The following DAG1 variants were observed in gnomAD, a reference collection of about 807,000 sequenced individuals.
The protein encoded by DAG1 is dystroglycan 1, also known as dystroglycan 1 (dystrophin-associated glycoprotein 1).
DAG1 carries 8 observed loss-of-function variants against 46.1 expected under a neutral mutation model. That is an observed-to-expected ratio of 0.17 (90% CI 0.10 to 0.31). The LOEUF is 0.31. DAG1 is among the 10% of genes least tolerant of loss of function. The pLI, the probability that DAG1 is intolerant of heterozygous loss-of-function variation, is 1.00. For missense variants in DAG1, 1,003 were observed against 1,189.9 expected, an observed-to-expected ratio of 0.84 and a Z score of 2.31; for synonymous variants, 495 against 481.8, an observed-to-expected ratio of 1.03 and a Z score of -0.36.
At chr3:49,487,309 C>G (rs1426147308) in intron 1 of DAG1, 1 of 152,248 alleles carries the variant, frequency 6.6e-6, no homozygotes, top group African/African-American at 2.4e-5. Context: ...CGGTTCTTCC[C>G]CCAGTACGTC....
chr3:49,484,536 G>A (rs561024713), intron 1 of DAG1, among the ~76,000 whole-genome samples: 1 of 152,206 alleles, frequency 6.6e-6, no homozygotes, highest in South Asian at 2.1e-4. Context: ...AGATAAAAAT[G>A]GCTCCGTATG....
rs761917381 is a variant in DAG1, at chr3:49,531,763, A to G, written c.1252A>G (p.Thr418Ala). ...PGYVEPTAVA[T>A]PPTTTTKKPR... ...CTATGTGGAGCCTACTGCAGTTGCT[A>G]CCCCTCCCACAACCACCACCAAGAA... The change falls in exon 3 of 3, where the codon ACC becomes GCC. Residue 418 changes from threonine (T) to alanine (A), a missense_variant. Transcript: ENST00000308775. This position sits in a 1 kb window ranked among gnomAD's most constrained non-coding sequence, Gnocchi z 7.0. The G allele has an allele frequency of 4.3e-6, 7 of 1,613,290 alleles. No homozygotes were observed. The highest frequency in any genetic ancestry group is 3.3e-5 in the South Asian group (3 of 90,988).
At position 49,502,707 on chromosome 3, in the gene DAG1, C is replaced by T. The variant is rs62261190; in HGVS notation, c.-116-7712C>T. Reference sequence around the variant, plus strand: ...AGGCTGGAGTGCAGTGGTGCGATCTCGGCTCACTACAAGCTCCGCCTCCCG... The same window carrying T: ...AGGCTGGAGTGCAGTGGTGCGATCTTGGCTCACTACAAGCTCCGCCTCCCG... On this transcript the variant is annotated intron_variant, in intron 1 of 2. Transcript: ENST00000308775. 4.1e-5 allele frequency among the ~76,000 whole-genome samples: 6 copies of T among 147,564 alleles called. No individual in the cohort carries two copies. In the Admixed American group the frequency reaches 4.1e-4, roughly 10 times the overall value.
chr3:49,526,092 C>T (rs1342966641), intron 2 of DAG1, among the ~76,000 whole-genome samples: 1 of 152,186 alleles, frequency 6.6e-6, no homozygotes, highest in Non-Finnish European at 1.5e-5. Context: ...CTCAAGTGAT[C>T]CACCCACCTC....
chr3:49,479,474 T>G (rs1380856274), intron 1 of DAG1, among the ~76,000 whole-genome samples: 3 of 151,462 alleles, frequency 2.0e-5, no homozygotes, highest in South Asian at 4.2e-4. Context: ...CACACCCAGC[T>G]AATTTTTATA....
chr3:49,486,805 A>G (rs1196027049), intron 1 of DAG1, among the ~76,000 whole-genome samples: 1 of 152,208 alleles, frequency 6.6e-6, no homozygotes, highest in South Asian at 2.1e-4. Flanking sequence ...GCTCAGCCTG[A>G]TATGAATATT....
At chr3:49,475,153 C>T (rs1239955176) in intron 1 of DAG1, among the ~76,000 whole-genome samples, 3 of 146,186 alleles carry the variant, frequency 2.1e-5, no homozygotes, top group South Asian at 4.3e-4. Context: ...TACCCAGATT[C>T]GAGTGCAATG....
chr3:49,485,642 G>C (rs1258766168), intron 1 of DAG1, among the ~76,000 whole-genome samples: 4 of 132,128 alleles, frequency 3.0e-5, no homozygotes, highest in Non-Finnish European at 6.5e-5. Flanking sequence ...ATCAGGTTTT[G>C]TTTTTGTTTT....
chr3:49,512,206 A>C (rs1474119178), intron 2 of DAG1, among the ~76,000 whole-genome samples: 1 of 151,218 alleles, frequency 6.6e-6, no homozygotes, highest in Non-Finnish European at 1.5e-5. Context: ...TAATTTATTT[A>C]TTTATTTATT....
In DAG1 at chr3:49,531,254, C is replaced by CA; in HGVS notation, c.749dup (p.Val251GlyfsTer23). On this transcript the variant is annotated frameshift_variant, in exon 3 of 3. Transcript: ENST00000308775. LOFTEE classifies it high-confidence loss of function. The surrounding 1 kb of genome is among the most constrained non-coding windows in gnomAD (Gnocchi z 7.0). ...GCCTTCATGGCTGGCCCGGGAAATG[C>CA]AAAAAAGGTGGTGGAGAATGGGGCC... is the stretch of plus-strand genomic sequence containing the variant. 1 of 1,613,994 alleles carries CA rather than the reference C, an allele frequency of 6.2e-7. No individual in the cohort carries two copies. The highest frequency in any genetic ancestry group is 8.5e-7 in the Non-Finnish European group (1 of 1,179,988).
At chr3:49,512,793 C>T (rs2050798233) in intron 2 of DAG1, among the ~76,000 whole-genome samples, 3 of 151,304 alleles carry the variant, frequency 2.0e-5, no homozygotes. Flanking sequence ...CATGGTGAAA[C>T]CCCAACTCTA....
intron 2 of DAG1, among the ~76,000 whole-genome samples, chr3:49,511,321 T>C (rs2050755907): frequency 1.3e-5 from 2 of 152,156 alleles, no homozygotes. Context: ...GGAGAAGCCA[T>C]CCAGAGAACA....
Position 49,532,129 on chromosome 3 carries a change from C to T in DAG1, c.1618C>T (p.Leu540=). Residue 540 remains leucine (L), a synonymous_variant, in exon 3 of 3, where the codon CTG becomes TTG. Coordinates refer to ENST00000308775, the MANE Select transcript of DAG1 (RefSeq NM_004393.6). This position sits in a 1 kb window ranked among gnomAD's most constrained non-coding sequence, Gnocchi z 5.4. ...TTDKLKLTLK[L]REQQLVGEKS... is the part of the protein sequence containing the mutation. Reference sequence around the variant, plus strand: ...TGACAAGCTGAAGCTGACCCTGAAACTGCGGGAGCAGCAGCTGGTGGGCGA... The same window carrying T: ...TGACAAGCTGAAGCTGACCCTGAAATTGCGGGAGCAGCAGCTGGTGGGCGA... The T allele has an allele frequency of 6.2e-7, 1 of 1,614,262 alleles. No individual in the cohort carries two copies. Among genetic ancestry groups the T allele is most frequent in the Non-Finnish European group, 8.5e-7 (1 of 1,180,052 alleles).
intron 1 of DAG1, among the ~76,000 whole-genome samples, chr3:49,508,589 G>A (rs1368650560): frequency 6.6e-6 from 1 of 152,060 alleles, no homozygotes; most frequent in Non-Finnish European, 1.5e-5. Context: ...TAGTAGAGAC[G>A]GGGTTTCACC....
intron 1 of DAG1, among the ~76,000 whole-genome samples, chr3:49,485,965 T>C (rs1345254965): frequency 1.3e-5 from 2 of 152,038 alleles, no homozygotes; most frequent in Non-Finnish European, 2.9e-5. Flanking sequence ...CCAGCCTGTT[T>C]TCTTGTTTTG....
chr3:49,471,218 G>A (rs2049509128), intron 1 of DAG1, among the ~76,000 whole-genome samples: 3 of 152,174 alleles, frequency 2.0e-5, no homozygotes, highest in Admixed American at 2.0e-4. Flanking sequence ...TCATAGCGCA[G>A]AGTCTAACTT....
intron 1 of DAG1, among the ~76,000 whole-genome samples, chr3:49,503,163 G>A (rs551005467): frequency 6.6e-6 from 1 of 152,162 alleles, no homozygotes; most frequent in South Asian, 2.1e-4. Context: ...CAGCTACATG[G>A]TGAGTCTTCT....
chr3:49,507,391 C>G (rs950371457), intron 1 of DAG1, among the ~76,000 whole-genome samples: 1 of 151,940 alleles, frequency 6.6e-6, no homozygotes, highest in Non-Finnish European at 1.5e-5. Context: ...GGCAAAACCC[C>G]GTCTCTATTA....
intron 1 of DAG1, among the ~76,000 whole-genome samples, chr3:49,487,708 T>TTG (rs1489700441): frequency 6.7e-6 from 1 of 148,442 alleles, no homozygotes; most frequent in African/African-American, 2.5e-5. Flanking sequence ...TTTTTTTTTT[T>TTG]TTTTTGTTTG....
Sources: gnomAD v4.1 joint callset for allele counts (sites outside exome capture counted in the v4.1 genomes callset) on GRCh38, gnomAD v4.1.1 for gene constraint, Gnocchi (gnomAD v3.1) non-coding constraint, MANE v1.5 for transcripts, NCBI Gene and HGNC (gene_info 2026-07-23, HGNC 2026-07-21) for gene names.